Variants in KSR1 observed in about 807,000 individuals in gnomAD.
KSR1 encodes kinase suppressor of ras.
KSR1 carries 35 observed loss-of-function variants against 92.9 expected under a neutral mutation model. The ratio of observed to expected loss-of-function variants is 0.38; its 90% CI spans 0.29 to 0.50. KSR1 has a LOEUF of 0.50. Ranked by LOEUF, KSR1 falls within the 20% of genes least tolerant of loss-of-function variation. The pLI is 0.94. For missense variants in KSR1, 972 were observed against 1,158.5 expected (o/e 0.84, Z 2.34); for synonymous variants, 467 against 472.6 (o/e 0.99, Z 0.15).
At chr17:27,471,917 G>C (rs755408631) in intron 1 of KSR1, 2 of 152,290 alleles carry the variant, frequency 1.3e-5, no homozygotes, top group East Asian at 3.9e-4. Context: ...TGATTTGCAC[G>C]GAACTGTGCT....
intron 1 of KSR1, among the ~76,000 whole-genome samples, chr17:27,528,245 T>C (rs1338302980): frequency 2.0e-5 from 3 of 152,006 alleles, no homozygotes; most frequent in Non-Finnish European, 4.4e-5. Context: ...TTTTGTATTT[T>C]TAGTAGAGAG....
At chr17:27,498,257 GAGGC>G (rs2069058104) in intron 1 of KSR1, among the ~76,000 whole-genome samples, 1 of 150,872 alleles carries the variant, frequency 6.6e-6, no homozygotes, top group African/African-American at 2.4e-5. Flanking sequence ...ATGAACTCGG[GAGGC>G]AGAGGGGCGG....
At chr17:27,553,477 T>G (rs1167744997) in intron 2 of KSR1, among the ~76,000 whole-genome samples, 1 of 152,196 alleles carries the variant, frequency 6.6e-6, no homozygotes, top group East Asian at 1.9e-4. Context: ...AGTGTCCTCC[T>G]TCCGTCCCCC....
intron 1 of KSR1, among the ~76,000 whole-genome samples, chr17:27,503,843 G>A (rs374567074): frequency 6.6e-6 from 1 of 152,164 alleles, no homozygotes; most frequent in Admixed American, 6.5e-5. Flanking sequence ...GGAGGTGCGG[G>A]TCGGAGCTCC....
chr17:27,466,786 G>A (rs985162204), intron 1 of KSR1, among the ~76,000 whole-genome samples: 1 of 152,262 alleles, frequency 6.6e-6, no homozygotes, highest in Non-Finnish European at 1.5e-5. Flanking sequence ...CTTGGCCAAC[G>A]GAGGCCTGGG....
At chr17:27,576,358 C>T (rs2072505682) in intron 2 of KSR1, among the ~76,000 whole-genome samples, 1 of 152,004 alleles carries the variant, frequency 6.6e-6, no homozygotes, top group South Asian at 2.1e-4. Context: ...ACATACATAC[C>T]TCTGATAAAG....
intron 1 of KSR1, among the ~76,000 whole-genome samples, chr17:27,528,899 G>A (rs1428643408): frequency 2.0e-5 from 3 of 151,790 alleles, no homozygotes; most frequent in Non-Finnish European, 4.4e-5. Flanking sequence ...GAGAGACCCT[G>A]TCTCTACTGG....
intron 1 of KSR1, among the ~76,000 whole-genome samples, chr17:27,542,677 G>A (rs2071009756): frequency 1.3e-5 from 2 of 152,208 alleles, no homozygotes; most frequent in African/African-American, 4.8e-5. Context: ...AACGGCACCT[G>A]CCAAAAGTCT....
intron 1 of KSR1, among the ~76,000 whole-genome samples, chr17:27,512,714 C>T (rs1046930447): frequency 6.6e-6 from 1 of 152,206 alleles, no homozygotes; most frequent in African/African-American, 2.4e-5. Context: ...CAGACCAAGA[C>T]TCCGTCTCCA....
chr17:27,621,376 G>A (rs1401396737), intron 20 of KSR1, 103 bp downstream of exon 20: 1 of 396,836 alleles, frequency 2.5e-6, no homozygotes, highest in East Asian at 3.6e-5. Flanking sequence ...CCATCTTTGT[G>A]TCATTTATTC....
At chr17:27,466,448 C>CGCCTGCCT (rs372165079) in intron 1 of KSR1, among the ~76,000 whole-genome samples, 2 of 152,104 alleles carry the variant, frequency 1.3e-5, no homozygotes, top group African/African-American at 4.8e-5. Flanking sequence ...GAGGTGTGCC[C>CGCCTGCCT]GCCTGCCTGC....
chr17:27,613,404 A>G (rs2073973815), intron 18 of KSR1, among the ~76,000 whole-genome samples: 1 of 152,266 alleles, frequency 6.6e-6, no homozygotes, highest in African/African-American at 2.4e-5. Flanking sequence ...ATTCATTAAA[A>G]GAAACCTCTC....
chr17:27,524,215 G>A (rs963209714), intron 1 of KSR1, among the ~76,000 whole-genome samples: 4 of 152,032 alleles, frequency 2.6e-5, no homozygotes, highest in Non-Finnish European at 5.9e-5. Flanking sequence ...CTAGGGGTGG[G>A]CATGTCTGGG....
intron 20 of KSR1, chr17:27,623,106 C>T (rs1598168400): frequency 3.4e-6 from 2 of 592,698 alleles, no homozygotes; most frequent in East Asian, 5.7e-5. Flanking sequence ...GCCACCGTTG[C>T]TGCTCCAAGT....
intron 18 of KSR1, among the ~76,000 whole-genome samples, chr17:27,612,356 A>G (rs1461768584): frequency 1.3e-5 from 2 of 152,232 alleles, no homozygotes; most frequent in African/African-American, 4.8e-5. Context: ...GAGTAACAAG[A>G]GTGATGTCAG....
At chr17:27,614,161 T>C (rs1276400339) in intron 18 of KSR1, among the ~76,000 whole-genome samples, 6 of 152,246 alleles carry the variant, frequency 3.9e-5, no homozygotes, top group Admixed American at 3.9e-4. Context: ...ATTTTTTTAT[T>C]GTGACTTTTT....
intron 1 of KSR1, among the ~76,000 whole-genome samples, chr17:27,537,436 A>T (rs1440245697): frequency 6.6e-6 from 1 of 152,246 alleles, no homozygotes; most frequent in East Asian, 1.9e-4. Flanking sequence ...TCACACCTGT[A>T]ATCCCAGCAC....
intron 4 of KSR1, 54 bp downstream of exon 4, chr17:27,583,159 A>G (rs1448555874): frequency 9.8e-6 from 12 of 1,218,876 alleles, no homozygotes; most frequent in Non-Finnish European, 1.2e-5. Flanking sequence ...TTTTCTAATC[A>G]TAAAGATATA....
intron 2 of KSR1, among the ~76,000 whole-genome samples, chr17:27,554,753 T>G (rs145030397): frequency 7.9e-5 from 12 of 152,220 alleles, no homozygotes; most frequent in African/African-American, 2.9e-4. Context: ...CATCCCCCGC[T>G]CCCTGTCCCT....
Sources: gnomAD v4.1 joint callset for allele counts (sites outside exome capture counted in the v4.1 genomes callset) on GRCh38, gnomAD v4.1.1 for gene constraint, MANE v1.5 for transcripts, NCBI Gene and HGNC (gene_info 2026-07-23, HGNC 2026-07-21) for gene names.